Variants in CDH18 observed in about 807,000 individuals in gnomAD.
CDH18 encodes cadherin 18.
A neutral mutation model predicts 67.9 loss-of-function variants in CDH18; 31 were observed. The ratio of observed to expected loss-of-function variants is 0.46; its 90% confidence interval spans 0.34 to 0.62. The LOEUF is 0.62. Among genes scored for constraint, CDH18 ranks in the 20% least tolerant of loss-of-function variants. The probability of loss-of-function intolerance (pLI) is 0.01; values close to 1 mark genes in which losing one functional copy is unlikely to be tolerated. For synonymous variants in CDH18, 362 were observed against 347.2 expected, an observed-to-expected ratio of 1.04 and a Z score of -0.48; for missense variants, 890 against 975.5, an observed-to-expected ratio of 0.91 and a Z score of 1.17.
intron 4 of CDH18, among the ~76,000 whole-genome samples, chr5:19,741,543 G>T (rs538959995): frequency 2.0e-5 from 3 of 151,754 alleles, no homozygotes; most frequent in Non-Finnish European, 4.4e-5. Flanking sequence ...TTTCCTCAGT[G>T]TTTTCATACT....
chr5:20,030,931 G>A (rs1374388111), intron 2 of CDH18, among the ~76,000 whole-genome samples: 2 of 152,048 alleles, frequency 1.3e-5, no homozygotes, highest in African/African-American at 4.8e-5. Flanking sequence ...GTGCTGCAGT[G>A]GGAATAATTG....
intron 3 of CDH18, among the ~76,000 whole-genome samples, chr5:19,791,561 G>A (rs187414380): frequency 1.3e-5 from 2 of 152,168 alleles, no homozygotes; most frequent in East Asian, 3.9e-4. Context: ...ACTTGTAACT[G>A]GATGAACTAG....
rs201283795 is a variant in CDH18 at position 19,689,393 on chromosome 5, TA to T, written c.643+31953del. Among the ~76,000 whole-genome samples, 78 of 151,188 alleles carry T rather than the reference TA, an allele frequency of 5.2e-4. No homozygotes were observed. In the East Asian group the frequency reaches 7.6e-3, roughly 15 times the overall value. ...TATATTCAAAGGGCTAAAAGAAAATTAAAAAAAAATTGGCAATCAAGATTAC... is the reference window on the plus strand; with the variant it reads ...TATATTCAAAGGGCTAAAAGAAAATTAAAAAAAATTGGCAATCAAGATTAC... On this transcript the variant is annotated intron_variant, in intron 5 of 12. Transcript: ENST00000382275.
intron 1 of CDH18, among the ~76,000 whole-genome samples, chr5:20,368,608 C>T (rs1562008585): frequency 6.6e-6 from 1 of 152,088 alleles, no homozygotes. Flanking sequence ...AAAAAGTACC[C>T]TTTTTATACC....
At chr5:20,203,547 T>G (rs1167202468) in intron 2 of CDH18, among the ~76,000 whole-genome samples, 1 of 143,890 alleles carries the variant, frequency 6.9e-6, no homozygotes, top group African/African-American at 2.7e-5. Flanking sequence ...CACCACTGAG[T>G]GGCAAAAAGG....
At chr5:19,694,836 T>C (rs886090837) in intron 5 of CDH18, among the ~76,000 whole-genome samples, 4 of 150,310 alleles carry the variant, frequency 2.7e-5, no homozygotes, top group African/African-American at 9.8e-5. Flanking sequence ...ACTGCGCCAC[T>C]GTACTCCAGC....
intron 5 of CDH18, among the ~76,000 whole-genome samples, chr5:19,651,067 A>T (rs1357666756): frequency 6.6e-6 from 1 of 151,990 alleles, no homozygotes; most frequent in Admixed American, 6.6e-5. Context: ...TTGTTTTAAT[A>T]TATTTTTCTA....
intron 1 of CDH18, among the ~76,000 whole-genome samples, chr5:20,516,742 G>A (rs1755399069): frequency 6.6e-6 from 1 of 151,828 alleles, no homozygotes; most frequent in Non-Finnish European, 1.5e-5. Flanking sequence ...TGATTTGTAT[G>A]ACTATTTATA....
At chr5:19,685,835 G>A (rs1316606440) in intron 5 of CDH18, among the ~76,000 whole-genome samples, 2 of 152,096 alleles carry the variant, frequency 1.3e-5, no homozygotes, top group Non-Finnish European at 2.9e-5. Context: ...ATCGACCAAT[G>A]GAAGCAGGAG....
At chr5:20,565,282 A>AGTT (rs4002055) in intron 1 of CDH18, among the ~76,000 whole-genome samples, 31 of 151,404 alleles carry the variant, frequency 2.0e-4, no homozygotes, top group Non-Finnish European at 2.9e-4. Flanking sequence ...ATAGACCTAA[A>AGTT]GTTGTTGTTG....
At chr5:20,186,126 C>A (rs561218601) in intron 2 of CDH18, among the ~76,000 whole-genome samples, 1 of 151,966 alleles carries the variant, frequency 6.6e-6, no homozygotes, top group East Asian at 1.9e-4. Flanking sequence ...AAATTAGAAC[C>A]TTAAAGCATA....
intron 3 of CDH18, among the ~76,000 whole-genome samples, chr5:19,766,485 TAAGTGGTC>T (rs1194391031): frequency 6.6e-6 from 1 of 152,186 alleles, no homozygotes; most frequent in Non-Finnish European, 1.5e-5. Flanking sequence ...ACTTATCCTG[TAAGTGGTC>T]TCATTACCTC....
intron 1 of CDH18, among the ~76,000 whole-genome samples, chr5:20,570,170 C>A (rs1296770939): frequency 1.3e-5 from 2 of 152,108 alleles, no homozygotes; most frequent in Non-Finnish European, 2.9e-5. Flanking sequence ...CTAATATAAA[C>A]TATGAACTTA....
intron 2 of CDH18, among the ~76,000 whole-genome samples, chr5:20,227,881 CTCTCT>C (rs1454013606): frequency 6.6e-6 from 1 of 152,046 alleles, no homozygotes; most frequent in Non-Finnish European, 1.5e-5. Flanking sequence ...ACAACTTTTT[CTCTCT>C]TCTCTGTCAC....
intron 6 of CDH18, among the ~76,000 whole-genome samples, chr5:19,598,705 T>C (rs981850219): frequency 6.6e-6 from 1 of 152,160 alleles, no homozygotes; most frequent in Non-Finnish European, 1.5e-5. Context: ...TTTATGTCCA[T>C]GAAACTTACA....
intron 5 of CDH18, among the ~76,000 whole-genome samples, chr5:19,645,722 T>C (rs1204520207): frequency 6.6e-6 from 1 of 152,142 alleles, no homozygotes; most frequent in African/African-American, 2.4e-5. Flanking sequence ...GAAAGATGGA[T>C]AAAATTTGCT....
intron 2 of CDH18, among the ~76,000 whole-genome samples, chr5:19,863,420 C>T (rs1251092420): frequency 6.6e-6 from 1 of 152,166 alleles, no homozygotes; most frequent in African/African-American, 2.4e-5. Context: ...ATCCCAAATA[C>T]TGGCAATCTC....
chr5:20,054,903 ACTAT>A lies in CDH18; in HGVS notation c.-517-62893_-517-62890del, dbSNP rs558063641. 5.1e-3 allele frequency among the ~76,000 whole-genome samples: 770 copies of A among 152,270 alleles called. 3 individuals carry two copies. Among genetic ancestry groups the A allele is most frequent in the Non-Finnish European group, 5.5e-3 (376 of 68,024 alleles). On this transcript the variant is annotated intron_variant, in intron 2 of 14. Transcript: ENST00000507958. ...GGAGCAGTCAGGTGATACAAATGTG[ACTAT>A]CTAAGACTGAGGTTAGAGGATGAGA...
intron 5 of CDH18, among the ~76,000 whole-genome samples, chr5:19,640,861 C>G (rs527596865): frequency 1.3e-5 from 2 of 151,578 alleles, no homozygotes; most frequent in Non-Finnish European, 2.9e-5. Context: ...ACTAAATCAG[C>G]TGGAGAGAAA....
Sources: gnomAD v4.1 joint callset for allele counts (sites outside exome capture counted in the v4.1 genomes callset) on GRCh38, gnomAD v4.1.1 for gene constraint, MANE v1.5 for transcripts, NCBI Gene and HGNC (gene_info 2026-07-23, HGNC 2026-07-21) for gene names.